Variants in XKR9 observed in about 807,000 individuals in gnomAD.
XKR9 encodes XK-related protein 9.
In XKR9, 32 loss-of-function variants were observed where a neutral mutation model predicts 32.0. That is an observed-to-expected ratio of 1.00 (90% confidence interval 0.76 to 1.34). XKR9 has a LOEUF of 1.34. Ranked by LOEUF, XKR9 falls within the 40% of genes most tolerant of loss-of-function variation. The probability of loss-of-function intolerance (pLI) is 0.00; values close to 1 mark genes in which losing one functional copy is unlikely to be tolerated. For missense variants in XKR9, 546 were observed against 429.7 expected (o/e 1.27, Z -2.39); for synonymous variants, 168 against 143.4 (o/e 1.17, Z -1.22).
At chr8:70,942,400 G>T in the XKR9 span, among the ~76,000 whole-genome samples, 3 of 152,074 alleles carry the variant, frequency 2.0e-5, no homozygotes, top group Admixed American at 2.0e-4. Flanking sequence ...ATGTTTTACG[G>T]TAGCCTTGAC....
chr8:70,749,140 G>A (rs1661014805), intron 2 of XKR9, among the ~76,000 whole-genome samples: 1 of 152,244 alleles, frequency 6.6e-6, no homozygotes, highest in Non-Finnish European at 1.5e-5. Context: ...CCTGAGAGTT[G>A]TTCTGTCACT....
At chr8:70,967,532 C>T in the XKR9 span, among the ~76,000 whole-genome samples, 1 of 152,142 alleles carries the variant, frequency 6.6e-6, no homozygotes. Flanking sequence ...CATAGTGTCA[C>T]TGGTCTGTGC....
chr8:70,841,613 C>T, the XKR9 span, among the ~76,000 whole-genome samples: 1 of 152,162 alleles, frequency 6.6e-6, no homozygotes, highest in Non-Finnish European at 1.5e-5. Flanking sequence ...GAATCATTCT[C>T]CAGTCTTCCC....
the XKR9 span, among the ~76,000 whole-genome samples, chr8:70,850,327 G>A: frequency 5.3e-5 from 8 of 151,876 alleles, no homozygotes; most frequent in Non-Finnish European, 1.0e-4. Flanking sequence ...TGGGTGTGGT[G>A]GTGAGTGCTT....
intron 4 of XKR9, among the ~76,000 whole-genome samples, chr8:70,721,844 T>C (rs1008674898): frequency 2.6e-5 from 4 of 152,156 alleles, no homozygotes; most frequent in African/African-American, 9.7e-5. Flanking sequence ...TGAGTTCAAG[T>C]CCTGAATATC....
the XKR9 span, among the ~76,000 whole-genome samples, chr8:70,831,158 G>C: frequency 6.6e-6 from 1 of 151,994 alleles, no homozygotes; most frequent in Non-Finnish European, 1.5e-5. Context: ...GGATGTGGTG[G>C]TGGTCGCCTG....
At chr8:71,000,498 T>C in the XKR9 span, among the ~76,000 whole-genome samples, 1 of 152,292 alleles carries the variant, frequency 6.6e-6, no homozygotes, top group Non-Finnish European at 1.5e-5. Context: ...TTTCTTTTAT[T>C]TAAATTTCAG....
the XKR9 span, among the ~76,000 whole-genome samples, chr8:70,904,611 T>C: frequency 4.6e-5 from 7 of 152,204 alleles, no homozygotes; most frequent in Non-Finnish European, 8.8e-5. Context: ...GAGCATTTAG[T>C]CCATTTACAT....
chr8:70,947,507 A>G, the XKR9 span, among the ~76,000 whole-genome samples: 1 of 152,238 alleles, frequency 6.6e-6, no homozygotes, highest in Non-Finnish European at 1.5e-5. Flanking sequence ...GAATGTGCTA[A>G]GTAATTGCAA....
chr8:70,961,516 G>A, the XKR9 span, among the ~76,000 whole-genome samples: 1 of 152,112 alleles, frequency 6.6e-6, no homozygotes, highest in South Asian at 2.1e-4. Flanking sequence ...AAACGACCAA[G>A]TCTTTTTTTG....
the XKR9 span, among the ~76,000 whole-genome samples, chr8:70,885,974 G>T: frequency 6.6e-6 from 1 of 152,052 alleles, no homozygotes; most frequent in Non-Finnish European, 1.5e-5. Flanking sequence ...ACGTGCCATG[G>T]TGGTTTTCTG....
At chr8:70,780,942 G>A (rs1807607240) in intron 2 of XKR9, 1 of 150,968 alleles carries the variant, frequency 6.6e-6, no homozygotes, top group Non-Finnish European at 1.5e-5. Flanking sequence ...GCAGTGGAGA[G>A]TTGTATACCA....
At chr8:70,730,896 A>G (rs1806642512) in intron 4 of XKR9, among the ~76,000 whole-genome samples, 1 of 152,218 alleles carries the variant, frequency 6.6e-6, no homozygotes, top group Admixed American at 6.5e-5. Context: ...GGGCTATGAT[A>G]TGAACCATAA....
the XKR9 span, among the ~76,000 whole-genome samples, chr8:70,943,003 C>T: frequency 6.6e-6 from 1 of 152,094 alleles, no homozygotes; most frequent in East Asian, 1.9e-4. Flanking sequence ...AAATGGTTTA[C>T]ATAGAGCATA....
At chr8:70,893,510 C>T in the XKR9 span, among the ~76,000 whole-genome samples, 2 of 152,108 alleles carry the variant, frequency 1.3e-5, no homozygotes, top group African/African-American at 4.8e-5. Flanking sequence ...AAGAATTTCA[C>T]CTGTAGTTAA....
chr8:70,875,074 G>A, the XKR9 span, among the ~76,000 whole-genome samples: 2 of 152,088 alleles, frequency 1.3e-5, no homozygotes, highest in Non-Finnish European at 2.9e-5. Flanking sequence ...GAAAATAAAT[G>A]TTCATTACAT....
chr8:70,934,969 A>C, the XKR9 span, among the ~76,000 whole-genome samples: 2 of 151,556 alleles, frequency 1.3e-5, no homozygotes, highest in South Asian at 2.1e-4. Flanking sequence ...TAAAATATAA[A>C]AATCACTCTC....
At chr8:70,834,954 A>T in the XKR9 span, among the ~76,000 whole-genome samples, 4 of 152,264 alleles carry the variant, frequency 2.6e-5, no homozygotes, top group African/African-American at 9.6e-5. Context: ...GGATTAGCTG[A>T]TCAGATGAAT....
chr8:71,030,357 A>G, the XKR9 span, among the ~76,000 whole-genome samples: 2 of 152,192 alleles, frequency 1.3e-5, no homozygotes, highest in South Asian at 2.1e-4. Context: ...TGATCCTCAC[A>G]GACACTCTGG....
Sources: gnomAD v4.1 joint callset for allele counts (sites outside exome capture counted in the v4.1 genomes callset) on GRCh38, gnomAD v4.1.1 for gene constraint, MANE v1.5 for transcripts, NCBI Gene and HGNC (gene_info 2026-07-23, HGNC 2026-07-21) for gene names.